The following ATG10 variants were observed in gnomAD, a reference collection of about 807,000 sequenced individuals.
ATG10 encodes the protein ubiquitin-like-conjugating enzyme ATG10.
A neutral mutation model predicts 32.1 loss-of-function variants in ATG10; 30 were observed. The observed-to-expected ratio is 0.94, with a 90% CI of 0.70 to 1.27. The LOEUF is 1.27. ATG10 is among the 50% of genes most tolerant of loss of function. ATG10 has a pLI of 0.00. For synonymous variants in ATG10, 87 were observed against 91.5 expected (o/e 0.95, Z 0.28); for missense variants, 233 against 262.3 (o/e 0.89, Z 0.77).
intron 2 of ATG10, among the ~76,000 whole-genome samples, chr5:81,993,378 CT>C (rs1252299756): frequency 0.12 from 5,183 of 43,542 alleles, 787 homozygotes; most frequent in African/African-American, 0.32. Flanking sequence ...CTTTTCTTTT[CT>C]TTTCTTTTCT....
At chr5:82,017,420 G>A (rs1762319946) in intron 2 of ATG10, among the ~76,000 whole-genome samples, 1 of 152,084 alleles carries the variant, frequency 6.6e-6, no homozygotes, top group Non-Finnish European at 1.5e-5. Flanking sequence ...TGATTGCTCT[G>A]ACTAGGACTT....
chr5:82,071,549 A>G (rs1292560625), intron 3 of ATG10, among the ~76,000 whole-genome samples: 1 of 152,102 alleles, frequency 6.6e-6, no homozygotes, highest in Non-Finnish European at 1.5e-5. Flanking sequence ...AGGGTATTGG[A>G]ATTAACCTTA....
chr5:82,254,906 G>T lies in ATG10; in HGVS notation c.*843G>T, dbSNP rs1180542116. 6.6e-6 allele frequency: 1 copy of T among 151,882 alleles called. No individual in the cohort carries two copies. The highest frequency in any genetic ancestry group is 1.5e-5 in the Non-Finnish European group (1 of 67,972). 9.4% of individuals were successfully genotyped at this position (151,882 alleles called of 1,614,324 possible). A position where few individuals can be genotyped will look rare whatever the true frequency, so the allele number is the denominator to read the frequency against. ...AGAGAGAGAGTGAGTGTGAGTGTGT[G>T]TGTGTGTGTGTGTGTATGTGTGGGT... On this transcript the variant is annotated 3_prime_UTR_variant, in exon 8 of 8. Coordinates refer to ENST00000282185, the MANE Select transcript of ATG10 (RefSeq NM_031482.5).
chr5:82,121,082 C>A (rs2149827052), intron 3 of ATG10, among the ~76,000 whole-genome samples: 2 of 152,146 alleles, frequency 1.3e-5, no homozygotes, highest in South Asian at 2.1e-4. Flanking sequence ...TTAGAAGAAC[C>A]TACGGTCTTT....
intron 2 of ATG10, among the ~76,000 whole-genome samples, chr5:81,994,477 A>T (rs182710574): frequency 6.7e-4 from 102 of 152,348 alleles, no homozygotes; most frequent in Non-Finnish European, 2.1e-4. Context: ...GGACTGAAGA[A>T]AGAAACCAGA....
chr5:82,139,889 TG>T (rs1279330994), intron 3 of ATG10, among the ~76,000 whole-genome samples: 8 of 82,892 alleles, frequency 9.7e-5, no homozygotes, highest in Non-Finnish European at 1.5e-4. Flanking sequence ...GGGAGGGAGG[TG>T]GGGGGGTCAG....
chr5:82,113,399 T>G (rs1765676616), intron 3 of ATG10, among the ~76,000 whole-genome samples: 1 of 151,990 alleles, frequency 6.6e-6, no homozygotes, highest in Non-Finnish European at 1.5e-5. Context: ...TAAACTATAA[T>G]AGAGATAAAG....
At chr5:82,052,328 A>T (rs141225906) in intron 2 of ATG10, among the ~76,000 whole-genome samples, 1 of 152,284 alleles carries the variant, frequency 6.6e-6, no homozygotes, top group East Asian at 1.9e-4. Context: ...GCCCTATGAC[A>T]GCTTGTACTA....
At chr5:82,095,626 G>T (rs1044823942) in intron 3 of ATG10, among the ~76,000 whole-genome samples, 1 of 151,944 alleles carries the variant, frequency 6.6e-6, no homozygotes, top group Non-Finnish European at 1.5e-5. Flanking sequence ...AATTTTAACC[G>T]GGAGTGGTGT....
At chr5:82,003,524 A>G (rs1761907761) in intron 2 of ATG10, among the ~76,000 whole-genome samples, 1 of 152,234 alleles carries the variant, frequency 6.6e-6, no homozygotes, top group African/African-American at 2.4e-5. Flanking sequence ...CTAAGAATTA[A>G]CATTAAGAGG....
At chr5:82,209,884 G>C (rs970395530) in intron 5 of ATG10, among the ~76,000 whole-genome samples, 6 of 152,018 alleles carry the variant, frequency 3.9e-5, no homozygotes, top group Non-Finnish European at 8.8e-5. Flanking sequence ...ACTGACTTTT[G>C]TTTCACTGTG....
intron 3 of ATG10, among the ~76,000 whole-genome samples, chr5:82,086,194 C>G (rs563001555): frequency 2.0e-5 from 3 of 150,488 alleles, no homozygotes; most frequent in African/African-American, 7.5e-5. Context: ...AAAAAATAAT[C>G]AAGACATTAT....
At chr5:82,110,754 T>G (rs1765592817) in intron 3 of ATG10, among the ~76,000 whole-genome samples, 1 of 152,170 alleles carries the variant, frequency 6.6e-6, no homozygotes, top group African/African-American at 2.4e-5. Flanking sequence ...GTAGGTTGCC[T>G]GTTCACTCTG....
chr5:82,237,630 G>A (rs1454546423), intron 5 of ATG10, among the ~76,000 whole-genome samples: 4 of 150,222 alleles, frequency 2.7e-5, no homozygotes, highest in African/African-American at 7.4e-5. Flanking sequence ...ATGACAGAGC[G>A]AGATTCCTTC....
chr5:82,040,006 G>T (rs72776834), intron 2 of ATG10, among the ~76,000 whole-genome samples: 4 of 151,998 alleles, frequency 2.6e-5, no homozygotes, highest in Non-Finnish European at 5.9e-5. Flanking sequence ...TTATGGGGTC[G>T]TGGGGCCTGT....
At chr5:82,171,296 G>A (rs1743799188) in intron 4 of ATG10, among the ~76,000 whole-genome samples, 1 of 152,114 alleles carries the variant, frequency 6.6e-6, no homozygotes, top group Non-Finnish European at 1.5e-5. Flanking sequence ...AAAATAGATT[G>A]TAACACACAT....
intron 3 of ATG10, among the ~76,000 whole-genome samples, chr5:82,123,330 A>C (rs572614810): frequency 5.3e-5 from 8 of 152,294 alleles, no homozygotes; most frequent in African/African-American, 1.9e-4. Flanking sequence ...ACTCATGAAC[A>C]CAAAGAAGGG....
rs893236436 is a variant in ATG10 at position 82,254,420 on chromosome 5, A to C, written c.*357A>C. 1 of 152,104 alleles carries C rather than the reference A, an allele frequency of 6.6e-6. No homozygotes were observed. The highest frequency in any genetic ancestry group is 1.5e-5 in the Non-Finnish European group (1 of 68,094). The allele number at this position is 152,104 out of a possible 1,614,324, so 9.4% of individuals were successfully genotyped here. ...AAAAAATACAAAAATTTGCCTGTTTATGGTGGTGTGTTCCTGTAGTCCCAG... is the reference window on the plus strand; with the variant it reads ...AAAAAATACAAAAATTTGCCTGTTTCTGGTGGTGTGTTCCTGTAGTCCCAG... On this transcript the variant is annotated 3_prime_UTR_variant, in exon 8 of 8. Coordinates refer to ENST00000282185, the MANE Select transcript of ATG10 (RefSeq NM_031482.5).
At position 82,252,557 on chromosome 5, in the gene ATG10, T is replaced by TA; in HGVS notation, c.454-4dup. 1.3e-6 allele frequency: 2 copies of TA among 1,582,058 alleles called. No homozygotes were observed. The highest frequency in any genetic ancestry group is 8.7e-7 in the Non-Finnish European group (1 of 1,153,286). On this transcript the variant is annotated splice_region_variant and splice_polypyrimidine_tract_variant and intron_variant, in intron 5 of 7. Transcript: ENST00000282185. ...CTGATCCTGGACCAATTCTGATTCTTACAGGAACATCCAATACTTGGGCAA... is the reference window on the plus strand; with the variant it reads ...CTGATCCTGGACCAATTCTGATTCTTAACAGGAACATCCAATACTTGGGCAA...
Sources: allele counts gnomAD v4.1 joint callset (sites outside exome capture counted in the v4.1 genomes callset), GRCh38; gene constraint gnomAD v4.1.1; transcripts MANE v1.5; gene names NCBI Gene and HGNC (gene_info 2026-07-23, HGNC 2026-07-21).